THSD7A: variants seen among roughly 807,000 people sequenced by gnomAD.
THSD7A encodes thrombospondin type 1 domain containing 7A.
Under a neutral mutation model 231.3 loss-of-function variants are expected in THSD7A, and 96 were observed. The observed-to-expected ratio is 0.41, with a 90% CI of 0.35 to 0.49. THSD7A has a LOEUF of 0.49. Among genes scored for constraint, THSD7A ranks in the 20% least tolerant of loss-of-function variants. The probability of loss-of-function intolerance (pLI) is 0.05; values close to 1 mark genes in which losing one functional copy is unlikely to be tolerated. For synonymous variants in THSD7A, 940 were observed against 743.3 expected (o/e 1.26, Z -4.30); for missense variants, 2,290 against 2,070.2 (o/e 1.11, Z -2.06).
intron 1 of THSD7A, among the ~76,000 whole-genome samples, chr7:11,768,011 G>A (rs1048505022): frequency 3.3e-5 from 5 of 152,120 alleles, no homozygotes; most frequent in Non-Finnish European, 7.4e-5. Flanking sequence ...TAAATATCCT[G>A]TAATCTAGGA....
At chr7:11,747,870 A>C (rs1782362142) in intron 1 of THSD7A, among the ~76,000 whole-genome samples, 2 of 151,970 alleles carry the variant, frequency 1.3e-5, no homozygotes, top group Admixed American at 1.3e-4. Flanking sequence ...CAGAGATCAA[A>C]GTGTATAAAA....
chr7:11,710,712 A>G (rs1202484695), intron 1 of THSD7A, among the ~76,000 whole-genome samples: 1 of 150,898 alleles, frequency 6.6e-6, no homozygotes, highest in Non-Finnish European at 1.5e-5. Flanking sequence ...TATTTTATCC[A>G]AGAAACCAAA....
rs376621752 is a variant in THSD7A, at chr7:11,508,303, A to C, written c.1823-26321T>G. 1.8e-3 allele frequency among the ~76,000 whole-genome samples: 277 copies of C among 152,334 alleles called. 1 individual carries two copies. The highest frequency in any genetic ancestry group is 6.2e-3 in the African/African-American group (258 of 41,576). ...TTCAAAGAAGAAATACAGCGAGCCA[A>C]CAAGTATTTGAAAAAATGTTCAGTG... On this transcript the variant is annotated intron_variant, in intron 6 of 27. Transcript: ENST00000423059.
chr7:11,809,549 T>G (rs1346106572), intron 1 of THSD7A, among the ~76,000 whole-genome samples: 4 of 152,168 alleles, frequency 2.6e-5, no homozygotes, highest in African/African-American at 9.7e-5. Flanking sequence ...CATAGCCTTA[T>G]GGTCACAGGC....
At chr7:11,404,596 T>A (rs1366373574) in intron 22 of THSD7A, among the ~76,000 whole-genome samples, 1 of 152,148 alleles carries the variant, frequency 6.6e-6, no homozygotes, top group East Asian at 1.9e-4. Context: ...TGAAGCAAAA[T>A]GATTTTATTG....
At chr7:11,396,780 T>G (rs1212839782) in intron 23 of THSD7A, among the ~76,000 whole-genome samples, 1 of 152,224 alleles carries the variant, frequency 6.6e-6, no homozygotes, top group African/African-American at 2.4e-5. Context: ...ACTCATTTTA[T>G]GAGGCCACCA....
At chr7:11,720,197 T>C (rs561403714) in intron 1 of THSD7A, among the ~76,000 whole-genome samples, 2 of 151,928 alleles carry the variant, frequency 1.3e-5, no homozygotes, top group East Asian at 3.9e-4. Context: ...CACACAGCCA[T>C]TCTCTACCAG....
chr7:11,815,044 G>A (rs1355189439), intron 1 of THSD7A, among the ~76,000 whole-genome samples: 2 of 150,686 alleles, frequency 1.3e-5, no homozygotes, highest in South Asian at 2.1e-4. Context: ...ATTTGAATTT[G>A]TTGTTACATA....
chr7:11,677,181 A>G (rs1783673580), intron 1 of THSD7A, among the ~76,000 whole-genome samples: 1 of 152,168 alleles, frequency 6.6e-6, no homozygotes, highest in South Asian at 2.1e-4. Context: ...TTCATGAGTG[A>G]AGGAGAAATA....
chr7:11,751,429 T>G (rs569360564), intron 1 of THSD7A: 1 of 152,160 alleles, frequency 6.6e-6, no homozygotes, highest in African/African-American at 2.4e-5. Context: ...CCCCTCCCTG[T>G]TGTTCTGGTT....
chr7:11,751,773 T>C (rs973093673), intron 1 of THSD7A, among the ~76,000 whole-genome samples: 1 of 152,012 alleles, frequency 6.6e-6, no homozygotes, highest in Non-Finnish European at 1.5e-5. Flanking sequence ...AAAAACTTTC[T>C]GCTCTTTGGT....
chr7:11,489,732 G>C (rs954118970), intron 6 of THSD7A, among the ~76,000 whole-genome samples: 1 of 151,988 alleles, frequency 6.6e-6, no homozygotes, highest in Non-Finnish European at 1.5e-5. Context: ...GGTCACTCCA[G>C]TATTTAAAAA....
Position 11,393,671 on chromosome 7 carries a change from A to G in THSD7A, c.4411+8124T>C, listed in dbSNP as rs535424896. Among the ~76,000 whole-genome samples, 14 of 152,370 alleles carry G rather than the reference A, an allele frequency of 9.2e-5. No homozygotes were observed. The South Asian group carries it at 2.7e-3, about 29-fold the overall frequency. On this transcript the variant is annotated intron_variant, in intron 23 of 27. Coordinates refer to ENST00000423059, the MANE Select transcript of THSD7A (RefSeq NM_015204.3). ...ATAACCAGTTTAGATAACAGCATAA[A>G]TGACCTGATGGAGCTGAAAAACACA...
chr7:11,457,507 T>C (rs943052958), intron 11 of THSD7A, among the ~76,000 whole-genome samples: 1 of 152,124 alleles, frequency 6.6e-6, no homozygotes, highest in Non-Finnish European at 1.5e-5. Flanking sequence ...CTGTTGTTTC[T>C]ATGACTTCAA....
At chr7:11,729,295 C>A (rs1781647947) in intron 1 of THSD7A, among the ~76,000 whole-genome samples, 1 of 151,724 alleles carries the variant, frequency 6.6e-6, no homozygotes, top group Non-Finnish European at 1.5e-5. Flanking sequence ...TGTCCTTAAT[C>A]GTGTATGACA....
intron 6 of THSD7A, among the ~76,000 whole-genome samples, chr7:11,508,154 G>A (rs1234024727): frequency 6.6e-6 from 1 of 152,110 alleles, no homozygotes; most frequent in Non-Finnish European, 1.5e-5. Flanking sequence ...CTCCCACCAG[G>A]TCCCTCCCTG....
At position 11,663,514 on chromosome 7, in the gene THSD7A, G is replaced by C. The variant is rs115368834; in HGVS notation, c.191-26553C>G. On this transcript the variant is annotated intron_variant, in intron 1 of 27. Transcript: ENST00000423059. ...CTTCAAAAATATTCCAGAACATAGA[G>C]GAAAAGGGAATCTTTATGAGCTTAT... Among the ~76,000 whole-genome samples, 1,227 of 151,614 alleles carry C rather than the reference G, an allele frequency of 8.1e-3. 10 individuals are homozygous for C. Among genetic ancestry groups the C allele is most frequent in the African/African-American group, 0.028 (1,173 of 41,496 alleles).
chr7:11,468,352 A>G (rs1785792627), intron 9 of THSD7A, among the ~76,000 whole-genome samples: 1 of 151,952 alleles, frequency 6.6e-6, no homozygotes, highest in Admixed American at 6.6e-5. Flanking sequence ...AAGAAAGTAC[A>G]ATTCTACTGC....
At position 11,708,463 on chromosome 7, in the gene THSD7A, ACTT is replaced by A. The variant is rs1253996155; in HGVS notation, c.191-71505_191-71503del. Among the ~76,000 whole-genome samples, 19 of 150,802 alleles carry A rather than the reference ACTT, an allele frequency of 1.3e-4. No individual in the cohort carries two copies. The Admixed American group carries it at 1.3e-3, about 10-fold the overall frequency. On this transcript the variant is annotated intron_variant, in intron 1 of 27. Coordinates refer to ENST00000423059, the MANE Select transcript of THSD7A (RefSeq NM_015204.3). ...AAAGAACAACATCTCTGCACAAAGA[ACTT>A]CTAATAAAATGAATAGAAAATTAGC...
Sources: gnomAD v4.1 joint callset for allele counts (sites outside exome capture counted in the v4.1 genomes callset) on GRCh38, gnomAD v4.1.1 for gene constraint, MANE v1.5 for transcripts, NCBI Gene and HGNC (gene_info 2026-07-23, HGNC 2026-07-21) for gene names.